The following SGIP1 variants were observed in gnomAD, a reference collection of about 807,000 sequenced individuals.
SGIP1 encodes SH3-containing GRB2-like protein 3-interacting protein 1.
SGIP1 carries 38 observed loss-of-function variants against 107.5 expected under a neutral mutation model. The observed-to-expected ratio is 0.35, with a 90% CI of 0.27 to 0.46. SGIP1 has a LOEUF of 0.46. Among genes scored for constraint, SGIP1 ranks in the 20% least tolerant of loss-of-function variants. The pLI, the probability that SGIP1 is intolerant of heterozygous loss-of-function variation, is 1.00. For missense variants in SGIP1, 929 were observed against 1,019.5 expected (o/e 0.91, Z 1.21); for synonymous variants, 365 against 366.1 (o/e 1.00, Z 0.03).
chr1:66,618,736 G>C (rs6588210), intron 1 of SGIP1, among the ~76,000 whole-genome samples: 18,096 of 152,174 alleles, frequency 0.12, 1,120 homozygotes, highest in South Asian at 0.14. Flanking sequence ...CAGTAAACAA[G>C]AGCTGCCTTT....
chr1:66,642,354 AC>A (rs1315211906), intron 5 of SGIP1, among the ~76,000 whole-genome samples: 2 of 152,006 alleles, frequency 1.3e-5, no homozygotes, highest in Admixed American at 1.3e-4. Context: ...GTCCTGAAAG[AC>A]CCATAAAGAC....
intron 1 of SGIP1, among the ~76,000 whole-genome samples, chr1:66,602,461 C>T (rs865961073): frequency 6.6e-6 from 1 of 152,030 alleles, no homozygotes; most frequent in South Asian, 2.1e-4. Flanking sequence ...TTCTGAACCC[C>T]GGGAACTTCT....
chr1:66,616,623 A>G (rs2069384446), intron 1 of SGIP1, among the ~76,000 whole-genome samples: 1 of 152,180 alleles, frequency 6.6e-6, no homozygotes, highest in Non-Finnish European at 1.5e-5. Context: ...TCTGCTCCCC[A>G]TGGATCTTTG....
At chr1:66,700,961 T>A (rs377562779) in intron 18 of SGIP1, among the ~76,000 whole-genome samples, 1 of 152,172 alleles carries the variant, frequency 6.6e-6, no homozygotes, top group East Asian at 1.9e-4. Context: ...ATCATTTACA[T>A]AATAGGAGCT....
chr1:66,653,061 C>T (rs545834634), intron 7 of SGIP1, among the ~76,000 whole-genome samples: 1 of 152,200 alleles, frequency 6.6e-6, no homozygotes, highest in African/African-American at 2.4e-5. Context: ...AAATCCCAGA[C>T]ATGGGCTTAG....
At position 66,739,346 on chromosome 1, in the gene SGIP1, G is replaced by A. The variant is rs778881145; in HGVS notation, c.2043G>A (p.Gln681=). The part of the protein sequence containing the change: ...VDMLKYQVSA[Q]GIQSTPLNLA... ...TGTCGTTCGGCAAGGTGTCTGCCCA[G>A]GGCATTCAGTCCACACCTCTGAACC... Residue 681 remains glutamine, a synonymous_variant, in exon 22 of 25, where the codon CAG becomes CAA. Coordinates refer to ENST00000371037, the MANE Select transcript of SGIP1 (RefSeq NM_032291.4). 6.2e-7 allele frequency: 1 copy of A among 1,607,500 alleles called. No individual in the cohort carries two copies. The highest frequency in any genetic ancestry group is 8.5e-7 in the Non-Finnish European group (1 of 1,179,892).
intron 1 of SGIP1, among the ~76,000 whole-genome samples, chr1:66,568,479 C>A (rs547662099): frequency 6.6e-6 from 1 of 151,920 alleles, no homozygotes; most frequent in African/African-American, 2.4e-5. Flanking sequence ...ATGTGAATAC[C>A]CTTTATTTCT....
chr1:66,685,603 C>T (rs1290156879), intron 15 of SGIP1, among the ~76,000 whole-genome samples: 1 of 152,164 alleles, frequency 6.6e-6, no homozygotes, highest in Non-Finnish European at 1.5e-5. Context: ...AACACACAGT[C>T]AATAAACAAA....
chr1:66,658,209 C>A (rs2080170980), intron 7 of SGIP1, among the ~76,000 whole-genome samples: 1 of 152,094 alleles, frequency 6.6e-6, no homozygotes, highest in Admixed American at 6.6e-5. Context: ...AGTTTTAGTT[C>A]AAGGACTGAA....
chr1:66,587,592 G>C (rs2062836435), intron 1 of SGIP1, among the ~76,000 whole-genome samples: 1 of 152,030 alleles, frequency 6.6e-6, no homozygotes, highest in Non-Finnish European at 1.5e-5. Flanking sequence ...TAACAGATTA[G>C]AATTAGGCTT....
At chr1:66,656,316 C>T (rs1403058979) in intron 7 of SGIP1, among the ~76,000 whole-genome samples, 1 of 152,184 alleles carries the variant, frequency 6.6e-6, no homozygotes, top group Non-Finnish European at 1.5e-5. Context: ...TCCTGAAGGA[C>T]CTGCGCAAGG....
intron 1 of SGIP1, among the ~76,000 whole-genome samples, chr1:66,567,268 C>T (rs1293732675): frequency 6.6e-6 from 1 of 152,112 alleles, no homozygotes; most frequent in Admixed American, 6.6e-5. Flanking sequence ...TGATGATGAG[C>T]TCTTTTTCAT....
upstream of SGIP1, chr1:66,534,102 C>G (rs2147913039): frequency 1.7e-6 from 1 of 575,840 alleles, no homozygotes; most frequent in South Asian, 2.1e-5. Flanking sequence ...GCCGAGGCAG[C>G]GCAGGCGGTG....
At chr1:66,647,858 AT>A (rs2077938481) in intron 7 of SGIP1, among the ~76,000 whole-genome samples, 1 of 152,154 alleles carries the variant, frequency 6.6e-6, no homozygotes. Flanking sequence ...TTTGTCCTTG[AT>A]TGTAGTTGTA....
intron 8 of SGIP1, 61 bp downstream of exon 8, chr1:66,660,585 A>G: frequency 7.0e-7 from 1 of 1,423,680 alleles, no homozygotes; most frequent in South Asian, 1.2e-5. Flanking sequence ...TATTTTCATT[A>G]TCTGCATATC....
intron 19 of SGIP1, among the ~76,000 whole-genome samples, chr1:66,727,156 T>A (rs1336095451): frequency 6.6e-6 from 1 of 152,192 alleles, no homozygotes; most frequent in Non-Finnish European, 1.5e-5. Context: ...AGCCACAGAC[T>A]GGGCTGCAAA....
At position 66,745,972 on chromosome 1, in the gene SGIP1, A is replaced by T. The variant is rs1398616055; in HGVS notation, c.*2877A>T. ...ACACCCACAGCCAAAATGGAAATTC[A>T]CTGTATGGTATTTGGGAATATATTT... is the stretch of plus-strand genomic sequence containing the variant. On this transcript the variant is annotated 3_prime_UTR_variant, in exon 25 of 25. Coordinates refer to ENST00000371037, the MANE Select transcript of SGIP1 (RefSeq NM_032291.4). 6.6e-6 allele frequency: 1 copy of T among 152,164 alleles called. No individual in the cohort carries two copies. Among genetic ancestry groups the T allele is most frequent in the Non-Finnish European group, 1.5e-5 (1 of 67,984 alleles). The allele number at this position is 152,164 out of a possible 1,614,324, so 9.4% of individuals were successfully genotyped here.
intron 1 of SGIP1, among the ~76,000 whole-genome samples, chr1:66,539,110 G>C (rs754678474): frequency 6.6e-6 from 1 of 152,190 alleles, no homozygotes; most frequent in East Asian, 1.9e-4. Context: ...AAGTGGGAGA[G>C]AGAATTTGCT....
intron 1 of SGIP1, among the ~76,000 whole-genome samples, chr1:66,543,664 C>G (rs760521064): frequency 6.6e-5 from 10 of 152,098 alleles, no homozygotes; most frequent in Non-Finnish European, 1.3e-4. Flanking sequence ...AGCTCTCTCC[C>G]CTGATTTTCT....
Sources: gnomAD v4.1 joint callset for allele counts (sites outside exome capture counted in the v4.1 genomes callset) on GRCh38, gnomAD v4.1.1 for gene constraint, MANE v1.5 for transcripts, NCBI Gene and HGNC (gene_info 2026-07-23, HGNC 2026-07-21) for gene names.